PDE8B: variants seen among roughly 807,000 people sequenced by gnomAD.
PDE8B encodes high affinity cAMP-specific and IBMX-insensitive 3',5'-cyclic phosphodiesterase 8B.
Under a neutral mutation model 101.3 loss-of-function variants are expected in PDE8B, and 26 were observed. That is an observed-to-expected ratio of 0.26 (90% CI 0.19 to 0.36). The LOEUF (loss-of-function observed/expected upper bound fraction) is 0.36. PDE8B is among the 10% of genes least tolerant of loss of function. PDE8B has a pLI of 1.00. For missense variants in PDE8B, 810 were observed against 1,163.1 expected (o/e 0.70, Z 4.42); for synonymous variants, 424 against 429.3 (o/e 0.99, Z 0.15).
chr5:77,380,116 A>T (rs1168067235), intron 10 of PDE8B, among the ~76,000 whole-genome samples: 1 of 152,192 alleles, frequency 6.6e-6, no homozygotes, highest in East Asian at 1.9e-4. Flanking sequence ...TTTCCATAAC[A>T]TTCAGGGGAA....
chr5:77,198,468 G>T, the PDE8B span, among the ~76,000 whole-genome samples: 1 of 152,066 alleles, frequency 6.6e-6, no homozygotes, highest in Non-Finnish European at 1.5e-5. Flanking sequence ...ATAAATCCCA[G>T]CTACAAAAGC....
the PDE8B span, among the ~76,000 whole-genome samples, chr5:77,129,029 A>G: frequency 1.2e-4 from 19 of 152,202 alleles, no homozygotes; most frequent in Non-Finnish European, 1.0e-4. Flanking sequence ...CATAGTTTTC[A>G]GTGTCCAAAT....
At chr5:77,157,842 G>T in the PDE8B span, among the ~76,000 whole-genome samples, 3 of 152,146 alleles carry the variant, frequency 2.0e-5, no homozygotes, top group African/African-American at 7.2e-5. Context: ...GACAGCATGG[G>T]GTCCTCCCAC....
intron 12 of PDE8B, among the ~76,000 whole-genome samples, chr5:77,407,100 C>A (rs752143845): frequency 6.6e-6 from 1 of 152,134 alleles, no homozygotes; most frequent in Non-Finnish European, 1.5e-5. Context: ...TGGAATGAGG[C>A]CTTTTTGGAC....
chr5:77,276,881 C>T (rs576409016), intron 1 of PDE8B, among the ~76,000 whole-genome samples: 62 of 152,194 alleles, frequency 4.1e-4, no homozygotes, highest in Non-Finnish European at 6.8e-4. Flanking sequence ...TTAAAATTTA[C>T]ATTTTGGTTT....
intron 10 of PDE8B, among the ~76,000 whole-genome samples, chr5:77,354,402 A>C (rs377049423): frequency 6.6e-6 from 1 of 152,250 alleles, no homozygotes; most frequent in African/African-American, 2.4e-5. Context: ...ATGTTTTCAC[A>C]TAATACCATG....
chr5:77,186,690 T>G, the PDE8B span, among the ~76,000 whole-genome samples: 1 of 152,180 alleles, frequency 6.6e-6, no homozygotes, highest in East Asian at 1.9e-4. Context: ...CCCAGTGGCC[T>G]TGGGCCTCCA....
chr5:77,407,967 T>C (rs1370843928), intron 13 of PDE8B, among the ~76,000 whole-genome samples: 1 of 152,098 alleles, frequency 6.6e-6, no homozygotes, highest in African/African-American at 2.4e-5. Flanking sequence ...GTATCTTAGT[T>C]TATGTGCACT....
At chr5:77,088,516 G>A in the PDE8B span, 2 of 141,826 alleles carry the variant, frequency 1.4e-5, no homozygotes, top group Non-Finnish European at 3.1e-5. Flanking sequence ...TTGGGGGAAG[G>A]TTGGGGGTGT....
the PDE8B span, among the ~76,000 whole-genome samples, chr5:77,116,254 CAG>C: frequency 2.8e-5 from 3 of 106,698 alleles, no homozygotes; most frequent in African/African-American, 1.2e-4. Context: ...TTTTTTGAGA[CAG>C]AGTCTCACTC....
intron 6 of PDE8B, among the ~76,000 whole-genome samples, chr5:77,338,189 A>G (rs1394272627): frequency 6.6e-6 from 1 of 152,228 alleles, no homozygotes; most frequent in Non-Finnish European, 1.5e-5. Flanking sequence ...ACACAAAATA[A>G]GTAGGAGAGC....
the PDE8B span, among the ~76,000 whole-genome samples, chr5:77,128,712 G>C: frequency 2.2e-4 from 34 of 152,328 alleles, no homozygotes; most frequent in African/African-American, 7.7e-4. Flanking sequence ...GTCAGCACAC[G>C]AAACATCATC....
At chr5:77,163,615 G>T in the PDE8B span, among the ~76,000 whole-genome samples, 1 of 152,190 alleles carries the variant, frequency 6.6e-6, no homozygotes, top group Admixed American at 6.5e-5. Flanking sequence ...GATATAATAA[G>T]GAGTTTCTTT....
chr5:77,402,279 TTA>T (rs1273970033), intron 11 of PDE8B, among the ~76,000 whole-genome samples: 2 of 151,708 alleles, frequency 1.3e-5, no homozygotes, highest in African/African-American at 4.8e-5. Flanking sequence ...ATATAGAAAC[TTA>T]TATGCAAGGA....
the PDE8B span, among the ~76,000 whole-genome samples, chr5:77,116,938 AGAGT>A: frequency 6.6e-6 from 1 of 152,168 alleles, no homozygotes; most frequent in Non-Finnish European, 1.5e-5. Context: ...CACCACTGCC[AGAGT>A]AAGTGCCCTT....
the PDE8B span, among the ~76,000 whole-genome samples, chr5:77,090,494 CGA>C: frequency 6.6e-6 from 1 of 152,150 alleles, no homozygotes; most frequent in Non-Finnish European, 1.5e-5. Flanking sequence ...AGTATGGTCT[CGA>C]TCTCCTGACC....
At chr5:77,256,132 T>G (rs1441337763) in intron 1 of PDE8B, among the ~76,000 whole-genome samples, 1 of 152,244 alleles carries the variant, frequency 6.6e-6, no homozygotes, top group Non-Finnish European at 1.5e-5. Context: ...CAAACTTTTT[T>G]CCAAACTGTA....
intron 1 of PDE8B, among the ~76,000 whole-genome samples, chr5:77,248,925 C>T (rs1017498137): frequency 1.3e-5 from 2 of 152,214 alleles, no homozygotes; most frequent in African/African-American, 4.8e-5. Context: ...AGCAAGAAGA[C>T]AGCCATCTGT....
chr5:77,233,547 C>G (rs932869072), intron 1 of PDE8B, among the ~76,000 whole-genome samples: 1 of 152,030 alleles, frequency 6.6e-6, no homozygotes, highest in Admixed American at 6.6e-5. Context: ...GATAGGAGAA[C>G]TGATCTGAAA....
Sources: gnomAD v4.1 joint callset for allele counts (sites outside exome capture counted in the v4.1 genomes callset) on GRCh38, gnomAD v4.1.1 for gene constraint, MANE v1.5 for transcripts, NCBI Gene and HGNC (gene_info 2026-07-23, HGNC 2026-07-21) for gene names.